The following FSHR variants were observed in gnomAD, a reference collection of about 807,000 sequenced individuals.
The protein encoded by FSHR is follicle stimulating hormone receptor.
In FSHR, 46 loss-of-function variants were observed where a neutral mutation model predicts 52.1. That is an observed-to-expected ratio of 0.88 (90% CI 0.70 to 1.13). The LOEUF is 1.13. Ranked by LOEUF, FSHR falls within the 50% of genes most tolerant of loss-of-function variation. The pLI is 0.00. For synonymous variants in FSHR, 399 were observed against 309.6 expected (o/e 1.29, Z -3.03); for missense variants, 964 against 834.6 (o/e 1.16, Z -1.91).
intron 2 of FSHR, among the ~76,000 whole-genome samples, chr2:49,041,037 G>C (rs891715192): frequency 1.3e-5 from 2 of 152,152 alleles, no homozygotes; most frequent in Non-Finnish European, 2.9e-5. Flanking sequence ...GAGTTTAAAG[G>C]CTTTGCATTT....
At position 49,125,494 on chromosome 2, in the gene FSHR, C is replaced by G. The variant is rs146419242; in HGVS notation, c.152+28772G>C. ...TTTTGTGTTCATTATCAGTCATCTG[C>G]TATAGAATATAAAGTCCATGAGAGC... On this transcript the variant is annotated intron_variant, in intron 1 of 9. Coordinates refer to ENST00000406846, the MANE Select transcript of FSHR (RefSeq NM_000145.4). Among the ~76,000 whole-genome samples the G allele has an allele frequency of 3.9e-5, 6 of 152,254 alleles. No homozygotes were observed. The East Asian group carries it at 1.2e-3, about 29-fold the overall frequency.
chr2:48,982,721 T>C (rs1172840947), intron 8 of FSHR, among the ~76,000 whole-genome samples, 191 bp downstream of exon 8: 5 of 152,194 alleles, frequency 3.3e-5, no homozygotes, highest in Admixed American at 6.5e-5. Context: ...ATTATTAGTG[T>C]TGCTTTTTAA....
chr2:48,990,637 C>T lies in FSHR; in HGVS notation c.375G>A (p.Leu125=), dbSNP rs755587702. 2 of 1,592,648 alleles carry T rather than the reference C, an allele frequency of 1.3e-6. No homozygotes were observed. Among genetic ancestry groups the T allele is most frequent in the Non-Finnish European group, 1.7e-6 (2 of 1,160,678 alleles). ...GCTTAATACCTGTGTTGGATATTAACCTAGAGAGAAACAAAATGAGAGTGA... is the reference window on the plus strand; with the variant it reads ...GCTTAATACCTGTGTTGGATATTAATCTAGAGAGAAACAAAATGAGAGTGA... The part of the protein sequence containing the change: ...AFQNLPNLQY[L]LISNTGIKHL... The change falls in exon 5 of 10, where the codon CTG becomes CTA. Residue 125 remains leucine, a splice_region_variant and synonymous_variant. Transcript: ENST00000406846.
At chr2:49,153,469 G>T (rs545943387) in intron 1 of FSHR, among the ~76,000 whole-genome samples, 9 of 152,212 alleles carry the variant, frequency 5.9e-5, no homozygotes, top group Non-Finnish European at 1.2e-4. Context: ...TGAGTCAAAA[G>T]GCCCGATTTC....
intron 4 of FSHR, among the ~76,000 whole-genome samples, chr2:49,000,853 G>T (rs1666850345): frequency 6.6e-6 from 1 of 152,072 alleles, no homozygotes; most frequent in Admixed American, 6.6e-5. Flanking sequence ...TGGCTAAAGT[G>T]GCAGTAGACC....
rs74324258 is a variant in FSHR, at chr2:49,122,208, G to A, written c.152+32058C>T. 4.3e-3 allele frequency among the ~76,000 whole-genome samples: 649 copies of A among 152,226 alleles called. 5 individuals are homozygous for A. Among genetic ancestry groups the A allele is most frequent in the African/African-American group, 0.015 (623 of 41,518 alleles). ...TGAGCATTTTCCTTTGTACTTTCAT[G>A]ATGGAAAGAAAGAGCTGAAAACAGA... On this transcript the variant is annotated intron_variant, in intron 1 of 9. Transcript: ENST00000406846.
intron 4 of FSHR, among the ~76,000 whole-genome samples, chr2:48,996,413 C>G (rs977943104): frequency 6.6e-6 from 1 of 152,044 alleles, no homozygotes; most frequent in Non-Finnish European, 1.5e-5. Flanking sequence ...TTCCTATAAG[C>G]CTTTGGTGGC....
At chr2:49,108,812 T>C (rs557428156) in intron 1 of FSHR, among the ~76,000 whole-genome samples, 27 of 152,240 alleles carry the variant, frequency 1.8e-4, no homozygotes, top group African/African-American at 6.3e-4. Flanking sequence ...GAGGGATAGT[T>C]AAAAATGAGT....
intron 1 of FSHR, among the ~76,000 whole-genome samples, chr2:49,127,869 T>TTCCTCTTCCTCTTCCTCTTCCTCTTCC (rs1672109269): frequency 2.3e-5 from 1 of 44,302 alleles, no homozygotes; most frequent in African/African-American, 1.9e-4. Flanking sequence ...CTTCTTCTTC[T>TTCCTCTTCCTCTTCCTCTTCCTCTTCC]TCTTCTTCTT....
rs144287723 is a variant in FSHR, at chr2:49,102,307, G to A, written c.153-34017C>T. Among the ~76,000 whole-genome samples the A allele has an allele frequency of 8.2e-4, 125 of 152,214 alleles. 2 individuals carry two copies. The highest frequency in any genetic ancestry group is 2.7e-3 in the African/African-American group (114 of 41,530). ...ACTTTGCTGGGAAGGTGTGGGGGCA[G>A]CACAGAAATACAAAAAATTTGATAA... On this transcript the variant is annotated intron_variant, in intron 1 of 9. Transcript: ENST00000406846.
chr2:49,002,824 C>T (rs1666952249), intron 4 of FSHR, among the ~76,000 whole-genome samples: 1 of 152,090 alleles, frequency 6.6e-6, no homozygotes, highest in Admixed American at 6.5e-5. Flanking sequence ...AGGGCTGGAA[C>T]CTGGGTCTTT....
At chr2:49,057,040 C>T (rs926240095) in intron 2 of FSHR, among the ~76,000 whole-genome samples, 17 of 151,430 alleles carry the variant, frequency 1.1e-4, no homozygotes, top group African/African-American at 3.6e-4. Flanking sequence ...ATCAGTAAAC[C>T]CCTATATGAA....
At chr2:49,090,154 C>T (rs200790317) in intron 1 of FSHR, among the ~76,000 whole-genome samples, 5 of 138,514 alleles carry the variant, frequency 3.6e-5, no homozygotes, top group African/African-American at 1.1e-4. Context: ...TGTGTGTGTG[C>T]ATGTGTGTGT....
At chr2:49,059,960 G>T (rs1018348389) in intron 2 of FSHR, among the ~76,000 whole-genome samples, 2 of 152,090 alleles carry the variant, frequency 1.3e-5, no homozygotes, top group African/African-American at 4.8e-5. Context: ...GTACTCATTT[G>T]ACAGGGCATT....
chr2:49,070,203 C>G (rs1303840233), intron 1 of FSHR, among the ~76,000 whole-genome samples: 1 of 151,986 alleles, frequency 6.6e-6, no homozygotes, highest in Non-Finnish European at 1.5e-5. Context: ...GAGAAAGATT[C>G]CAAAATACAC....
At chr2:48,985,090 C>G (rs1675429077) in intron 6 of FSHR, among the ~76,000 whole-genome samples, 1 of 144,552 alleles carries the variant, frequency 6.9e-6, no homozygotes, top group African/African-American at 2.6e-5. Context: ...AGAGGAAGTA[C>G]CTATTTGAAA....
chr2:49,032,278 C>A (rs1188357520), intron 2 of FSHR, among the ~76,000 whole-genome samples: 12 of 152,182 alleles, frequency 7.9e-5, no homozygotes, highest in Non-Finnish European at 1.8e-4. Flanking sequence ...GGCTGTCACA[C>A]CAGCTGCACT....
At chr2:48,987,509 T>A (rs7565474) in intron 6 of FSHR, among the ~76,000 whole-genome samples, 1 of 152,008 alleles carries the variant, frequency 6.6e-6, no homozygotes, top group Non-Finnish European at 1.5e-5. Context: ...CACGCCCACC[T>A]GATTATTTTT....
At position 49,017,420 on chromosome 2, in the gene FSHR, A is replaced by G. The variant is rs2091787; in HGVS notation, c.374+69T>C. 599,474 of 1,167,624 alleles carry G rather than the reference A, an allele frequency of 0.51. 158,486 individuals carry two copies. Among genetic ancestry groups the G allele is most frequent in the East Asian group, 0.8 (33,553 of 41,870 alleles). The allele number at this position is 1,167,624 out of a possible 1,614,324, so 72.3% of individuals were successfully genotyped here. ...GTAATTGCTCCCCAGAGTATCAAGT[A>G]GGCCTTTTAGTAAAATAGGCTTGCA... is the stretch of plus-strand genomic sequence containing the variant. On this transcript the variant is annotated intron_variant, in intron 4 of 9. Coordinates refer to ENST00000406846, the MANE Select transcript of FSHR (RefSeq NM_000145.4).
Sources: gnomAD v4.1 joint callset for allele counts (sites outside exome capture counted in the v4.1 genomes callset) on GRCh38, gnomAD v4.1.1 for gene constraint, MANE v1.5 for transcripts, NCBI Gene and HGNC (gene_info 2026-07-23, HGNC 2026-07-21) for gene names.